Variants in DNAJC15 observed in about 807,000 individuals in gnomAD.
DNAJC15 encodes dnaJ homolog subfamily C member 15.
In DNAJC15, 27 loss-of-function variants were observed where a neutral mutation model predicts 22.4. That is an observed-to-expected ratio of 1.20 (90% CI 0.89 to 1.66). The LOEUF is 1.66. Ranked by LOEUF, DNAJC15 falls within the 40% of genes most tolerant of loss-of-function variation. The pLI is 0.00. For synonymous variants in DNAJC15, 79 were observed against 63.2 expected, an observed-to-expected ratio of 1.25 and a Z score of -1.19; for missense variants, 208 against 187.1, an observed-to-expected ratio of 1.11 and a Z score of -0.65.
chr13:43,094,839 A>G (rs779433350), intron 5 of DNAJC15, among the ~76,000 whole-genome samples: 1 of 152,166 alleles, frequency 6.6e-6, no homozygotes, highest in Non-Finnish European at 1.5e-5. Flanking sequence ...CCATACTTCT[A>G]ATTTCTTGCG....
chr13:43,106,921 T>C (rs2040799538), intron 5 of DNAJC15, among the ~76,000 whole-genome samples: 1 of 152,042 alleles, frequency 6.6e-6, no homozygotes. Flanking sequence ...AGTAGTTGAA[T>C]GTTGTTCAAG....
intron 1 of DNAJC15, among the ~76,000 whole-genome samples, chr13:43,049,315 T>C (rs1350900407): frequency 6.6e-6 from 1 of 152,230 alleles, no homozygotes; most frequent in Non-Finnish European, 1.5e-5. Context: ...AAAGCATCAT[T>C]GTTTAAAAAA....
At chr13:43,075,644 T>G (rs1262230865) in intron 3 of DNAJC15, among the ~76,000 whole-genome samples, 2 of 151,548 alleles carry the variant, frequency 1.3e-5, no homozygotes, top group East Asian at 3.9e-4. Context: ...GAAAGAAACC[T>G]TAAAACCAGC....
chr13:43,066,911 G>A (rs2040587004), intron 2 of DNAJC15, among the ~76,000 whole-genome samples: 1 of 152,220 alleles, frequency 6.6e-6, no homozygotes, highest in Non-Finnish European at 1.5e-5. Flanking sequence ...GAGCCACCGT[G>A]CCCGGCCCAT....
intron 1 of DNAJC15, among the ~76,000 whole-genome samples, chr13:43,034,660 G>C (rs1373363121): frequency 6.6e-6 from 1 of 151,978 alleles, no homozygotes; most frequent in Non-Finnish European, 1.5e-5. Context: ...ATATTAGTTT[G>C]GTTTCATGGA....
At chr13:43,087,991 C>T (rs977524611) in intron 5 of DNAJC15, among the ~76,000 whole-genome samples, 2 of 152,084 alleles carry the variant, frequency 1.3e-5, no homozygotes, top group Non-Finnish European at 2.9e-5. Flanking sequence ...TAGATTACTG[C>T]TTTTCTTAAA....
chr13:43,038,874 T>A (rs1426962692), intron 1 of DNAJC15, among the ~76,000 whole-genome samples: 1 of 151,180 alleles, frequency 6.6e-6, no homozygotes, highest in East Asian at 1.9e-4. Context: ...AATAAAGAAT[T>A]AAGGACACCA....
At chr13:43,082,584 G>A (rs576983254) in intron 4 of DNAJC15, among the ~76,000 whole-genome samples, 2 of 152,102 alleles carry the variant, frequency 1.3e-5, no homozygotes, top group African/African-American at 2.4e-5. Flanking sequence ...TGCCATACTT[G>A]TGCATATGAA....
At position 43,087,628 on chromosome 13, in the gene DNAJC15, T is replaced by TA. The variant is rs2040695603; in HGVS notation, c.382+1791dup. Among the ~76,000 whole-genome samples the TA allele has an allele frequency of 2.6e-5, 4 of 152,200 alleles. No homozygotes were observed. The South Asian group carries it at 8.3e-4, about 31-fold the overall frequency. The stretch of plus-strand genomic sequence containing the variant: ...ACTGGGTATTATAGGTAGTTGGAAA[T>TA]ACTTAAATCTCATTTCCAGTGCTTC... On this transcript the variant is annotated intron_variant, in intron 5 of 5. Transcript: ENST00000379221.
intron 1 of DNAJC15, among the ~76,000 whole-genome samples, chr13:43,048,316 C>CCA (rs1566203646): frequency 1.4e-4 from 13 of 90,936 alleles, no homozygotes; most frequent in Non-Finnish European, 1.7e-4. Flanking sequence ...CTCGTCTCTA[C>CCA]TAAAAATACA....
intron 2 of DNAJC15, among the ~76,000 whole-genome samples, chr13:43,067,843 AT>A (rs750257215): frequency 4.6e-5 from 7 of 152,164 alleles, no homozygotes; most frequent in Non-Finnish European, 8.8e-5. Flanking sequence ...TCATACTATT[AT>A]AAAATCAAAT....
chr13:43,083,656 C>T (rs577730542), intron 4 of DNAJC15, among the ~76,000 whole-genome samples: 10 of 152,246 alleles, frequency 6.6e-5, no homozygotes, highest in African/African-American at 1.7e-4. Context: ...CCACAGAAAT[C>T]GAAATCATTG....
chr13:43,049,342 C>T (rs1366855966), intron 1 of DNAJC15, among the ~76,000 whole-genome samples: 9 of 152,082 alleles, frequency 5.9e-5, no homozygotes, highest in South Asian at 2.1e-4. Flanking sequence ...AAATAAAAGT[C>T]GAAATACATC....
At chr13:43,049,704 A>T (rs1475128545) in intron 1 of DNAJC15, among the ~76,000 whole-genome samples, 5 of 152,150 alleles carry the variant, frequency 3.3e-5, no homozygotes, top group Non-Finnish European at 2.9e-5. Flanking sequence ...TCTGTTTTCT[A>T]CATTTGAAAC....
At chr13:43,088,439 A>G (rs2040699277) in intron 5 of DNAJC15, among the ~76,000 whole-genome samples, 1 of 152,174 alleles carries the variant, frequency 6.6e-6, no homozygotes, top group Non-Finnish European at 1.5e-5. Flanking sequence ...CCTGTTTCAC[A>G]AGGCAGCTTG....
intron 1 of DNAJC15, among the ~76,000 whole-genome samples, chr13:43,055,963 C>CTTT (rs916009702): frequency 6.6e-6 from 1 of 152,040 alleles, no homozygotes; most frequent in East Asian, 1.9e-4. Flanking sequence ...AGTTCAAATA[C>CTTT]TTTTTTATTT....
chr13:43,056,018 G>T lies in DNAJC15; in HGVS notation c.109-9668G>T, dbSNP rs187070745. 1.8e-3 allele frequency among the ~76,000 whole-genome samples: 270 copies of T among 152,136 alleles called. 1 individual carries two copies. The highest frequency in any genetic ancestry group is 3.4e-3 in the Non-Finnish European group (230 of 67,990). ...TGACCCAAAGATCATTCAGGAGCAG[G>T]TTATTTAATTTCTATGTATTTGCAT... On this transcript the variant is annotated intron_variant, in intron 1 of 5. Transcript: ENST00000379221.
At chr13:43,054,412 C>T (rs1033407791) in intron 1 of DNAJC15, among the ~76,000 whole-genome samples, 1 of 152,120 alleles carries the variant, frequency 6.6e-6, no homozygotes, top group African/African-American at 2.4e-5. Context: ...AGGGTGATAA[C>T]TGGCTTCATA....
intron 5 of DNAJC15, among the ~76,000 whole-genome samples, chr13:43,104,671 T>A (rs954293055): frequency 6.6e-6 from 1 of 150,796 alleles, no homozygotes; most frequent in Non-Finnish European, 1.5e-5. Context: ...TTTTTTTTGT[T>A]CTTTTTCTTT....
Sources: gnomAD v4.1 joint callset for allele counts (sites outside exome capture counted in the v4.1 genomes callset) on GRCh38, gnomAD v4.1.1 for gene constraint, MANE v1.5 for transcripts, NCBI Gene and HGNC (gene_info 2026-07-23, HGNC 2026-07-21) for gene names.